The following PANK2 variants were observed in gnomAD, a reference collection of about 807,000 sequenced individuals.
The protein encoded by PANK2 is pantothenate kinase 2, mitochondrial.
Under a neutral mutation model 43.1 loss-of-function variants are expected in PANK2, and 36 were observed. The observed-to-expected ratio is 0.84, with a 90% CI of 0.64 to 1.10. The LOEUF (loss-of-function observed/expected upper bound fraction) is 1.10. PANK2 is among the 50% of genes least tolerant of loss of function. The pLI is 0.00. For missense variants in PANK2, 576 were observed against 593.3 expected (o/e 0.97, Z 0.30); for synonymous variants, 281 against 238.2 (o/e 1.18, Z -1.66).
chr20:3,888,905 G>A (rs2090057898), upstream of PANK2: 40 of 555,986 alleles, frequency 7.2e-5, 2 homozygotes, highest in South Asian at 9.9e-4. Context: ...AAAGGCTAAG[G>A]TCAGCCGCGG....
At chr20:3,891,205 A>T (rs771563903) in intron 1 of PANK2, 12 of 152,102 alleles carry the variant, frequency 7.9e-5, no homozygotes, top group Non-Finnish European at 1.3e-4. Context: ...ACGTGCCACT[A>T]TGCCAGGCTA....
chr20:3,893,125 G>A (rs1250833579), intron 1 of PANK2, among the ~76,000 whole-genome samples: 2 of 152,122 alleles, frequency 1.3e-5, no homozygotes, highest in Non-Finnish European at 2.9e-5. Flanking sequence ...ATCCTGTGAG[G>A]TAGGTGTTTT....
intron 3 of PANK2, 151 bp from the exon 4 acceptor site, chr20:3,912,307 C>A: frequency 3.7e-6 from 3 of 815,946 alleles, no homozygotes; most frequent in South Asian, 1.5e-5. Flanking sequence ...GTATATCAGG[C>A]ACCTTATCTT....
At chr20:3,889,034 C>T, upstream of PANK2, 1 of 1,362,344 alleles carries the variant, frequency 7.3e-7, no homozygotes, top group Non-Finnish European at 9.9e-7. Flanking sequence ...TCGGGGTCGC[C>T]CCAGGAGAGT....
At chr20:3,921,195 C>T (rs186963034) in intron 6 of PANK2, 42 of 139,490 alleles carry the variant, frequency 3.0e-4, no homozygotes, top group Admixed American at 7.9e-4. Context: ...TGCTATCCCT[C>T]CCCCCTCCCC....
At chr20:3,910,214 T>C (rs2090446468) in intron 2 of PANK2, among the ~76,000 whole-genome samples, 1 of 152,192 alleles carries the variant, frequency 6.6e-6, no homozygotes, top group Non-Finnish European at 1.5e-5. Flanking sequence ...CTGATAGTGC[T>C]GTGGCCTGAG....
chr20:3,916,685 G>A (rs1452734093), intron 4 of PANK2, among the ~76,000 whole-genome samples: 2 of 152,184 alleles, frequency 1.3e-5, no homozygotes, highest in African/African-American at 4.8e-5. Flanking sequence ...TGAATATCTG[G>A]TATCCAAGCT....
In PANK2 at chr20:3,889,437, G is replaced by A. The variant is rs1432572102; in HGVS notation, c.7G>A (p.Gly3Ser). Residue 3 changes from glycine to serine, a missense_variant, in exon 1 of 7, where the codon GGC becomes AGC. By Grantham distance (56) the Gly-to-Ser change is moderately conservative. Around this residue, in one of 2 missense-constraint regions of PANK2, gnomAD observed 544 missense variants for 528.9 expected, o/e 1.03. Transcript: ENST00000610179. The stretch of plus-strand genomic sequence containing the variant: ...GGCGAGAAGGAATCCGACGCTGGGG[G>A]GCTTGCTCGGGCGGCAGCGACTGCT... The A allele has an allele frequency of 2.6e-6, 4 of 1,557,264 alleles. No individual in the cohort carries two copies. The highest frequency in any genetic ancestry group is 3.5e-6 in the Non-Finnish European group (4 of 1,157,372).
intron 4 of PANK2, among the ~76,000 whole-genome samples, chr20:3,915,691 G>A (rs1011457325): frequency 3.9e-5 from 6 of 152,266 alleles, no homozygotes; most frequent in East Asian, 1.9e-4. Flanking sequence ...TTCTTTTTGC[G>A]TGTGGATATC....
intron 4 of PANK2, among the ~76,000 whole-genome samples, chr20:3,912,987 A>T (rs1457630481): frequency 2.0e-5 from 3 of 149,758 alleles, no homozygotes; most frequent in Admixed American, 6.7e-5. Flanking sequence ...CATATTTTTT[A>T]AAAAAGCTCT....
rs907162799 is a variant in PANK2 at position 3,892,802 on chromosome 20, TGTA to T, written c.298+3077_298+3079del. Among the ~76,000 whole-genome samples, 9 of 152,032 alleles carry T rather than the reference TGTA, an allele frequency of 5.9e-5. No individual in the cohort carries two copies. The South Asian group carries it at 1.2e-3, about 21-fold the overall frequency. On this transcript the variant is annotated intron_variant, in intron 1 of 6. Transcript: ENST00000610179. Reference sequence around the variant, plus strand: ...TCTTAGGCATTCTTGTGGTCCTGGTTGTAGTCGTGTTCTGTCACGCGTTTCCTA... The same window carrying T: ...TCTTAGGCATTCTTGTGGTCCTGGTTGTCGTGTTCTGTCACGCGTTTCCTA...
intron 4 of PANK2, among the ~76,000 whole-genome samples, chr20:3,912,839 A>G (rs2090489759): frequency 7.0e-6 from 1 of 142,886 alleles, no homozygotes; most frequent in Admixed American, 7.5e-5. Context: ...AGACCCAGGT[A>G]CTTGGGAGGC....
Position 3,889,715 on chromosome 20 carries a change from GA to G in PANK2, c.290del (p.Lys97SerfsTer46). 6.3e-7 allele frequency: 1 copy of G among 1,586,050 alleles called. No individual in the cohort carries two copies. On this transcript the variant is annotated frameshift_variant, in exon 1 of 7. Coordinates refer to ENST00000610179, the MANE Select transcript of PANK2 (RefSeq NM_001386393.1). LOFTEE classifies it high-confidence loss of function. Reference sequence around the variant, plus strand: ...CCCGCCAGCGCGTCGAAAGCCTGAGGAAAAAGCGGCCGCGTAAGTGTTCCGT... The same window carrying G: ...CCCGCCAGCGCGTCGAAAGCCTGAGGAAAAGCGGCCGCGTAAGTGTTCCGT...
rs371541435 is a variant in PANK2 at position 3,908,199 on chromosome 20, A to T, written c.572A>T (p.Asp191Val). ...CCTGCTTTTATTCAAATGGGCAGAG[A>T]TAAAAACTTCTCGAGTCTCCACACT... Residue 191 changes from aspartate to valine, a missense_variant, in exon 2 of 7, where the codon GAT (aspartate) becomes GTT (valine). Transcript: ENST00000610179. 6.2e-7 allele frequency: 1 copy of T among 1,614,096 alleles called. No individual in the cohort carries two copies. Among genetic ancestry groups the T allele is most frequent in the African/African-American group, 1.3e-5 (1 of 75,066 alleles).
upstream of PANK2, chr20:3,888,977 G>GTCGCCGTATCATTAAAAA: frequency 5.6e-5 from 42 of 745,364 alleles, no homozygotes; most frequent in South Asian, 1.8e-4. Flanking sequence ...TGCTGGGCTG[G>GTCGCCGTATCATTAAAAA]AGGAGGGCTC....
intron 1 of PANK2, among the ~76,000 whole-genome samples, chr20:3,895,223 G>A (rs1043859743): frequency 1.3e-5 from 2 of 152,062 alleles, no homozygotes; most frequent in Admixed American, 6.6e-5. Context: ...GCAGTGAGCC[G>A]AGATTGCGCC....
chr20:3,912,676 G>T, intron 4 of PANK2, 42 bp downstream of exon 4: 4 of 1,608,764 alleles, frequency 2.5e-6, no homozygotes, highest in Non-Finnish European at 3.4e-6. Context: ...GGCGGGCCGG[G>T]CGCGGTGGCT....
intron 1 of PANK2, among the ~76,000 whole-genome samples, chr20:3,895,224 A>G (rs1259192286): frequency 1.3e-5 from 2 of 152,128 alleles, no homozygotes; most frequent in African/African-American, 4.8e-5. Flanking sequence ...CAGTGAGCCG[A>G]GATTGCGCCA....
intron 6 of PANK2, among the ~76,000 whole-genome samples, chr20:3,922,940 C>T (rs1435179237): frequency 6.6e-6 from 1 of 152,176 alleles, no homozygotes; most frequent in East Asian, 1.9e-4. Flanking sequence ...GGTTCTGTCT[C>T]TTACCAGAGG....
Sources: gnomAD v4.1 joint callset for allele counts (sites outside exome capture counted in the v4.1 genomes callset) on GRCh38, gnomAD v4.1.1 for gene constraint, gnomAD v4.1.1 regional missense constraint, MANE v1.5 for transcripts, NCBI Gene and HGNC (gene_info 2026-07-23, HGNC 2026-07-21) for gene names.